The following GARRE1 variants were observed in gnomAD, a reference collection of about 807,000 sequenced individuals.
GARRE1 encodes granule associated Rac and RHOG effector 1.
In GARRE1, 49 loss-of-function variants were observed where a neutral mutation model predicts 103.2. The ratio of observed to expected loss-of-function variants is 0.47; its 90% CI spans 0.38 to 0.60. GARRE1 has a LOEUF of 0.60. Among genes scored for constraint, GARRE1 ranks in the 20% least tolerant of loss-of-function variants. The pLI, the probability that GARRE1 is intolerant of heterozygous loss-of-function variation, is 0.00. For synonymous variants in GARRE1, 505 were observed against 532.8 expected (o/e 0.95, Z 0.72); for missense variants, 1,199 against 1,370.5 (o/e 0.87, Z 1.98).
intron 6 of GARRE1, 126 bp downstream of exon 6, chr19:34,328,277 T>TGTAA: frequency 9.6e-7 from 1 of 1,045,042 alleles, no homozygotes; most frequent in Non-Finnish European, 1.4e-6. Context: ...GGCTCACGCC[T>TGTAA]GTAATCCTAG....
intron 3 of GARRE1, among the ~76,000 whole-genome samples, chr19:34,321,223 A>ATT (rs71165648): frequency 0.02 from 1,541 of 77,326 alleles, 72 homozygotes; most frequent in African/African-American, 0.028. Flanking sequence ...AGCCCGGCTA[A>ATT]TTTTTTTTTT....
At chr19:34,271,081 CTT>C (rs2073784251) in intron 1 of GARRE1, among the ~76,000 whole-genome samples, 2 of 152,102 alleles carry the variant, frequency 1.3e-5, no homozygotes, top group South Asian at 4.2e-4. Flanking sequence ...TAATTACTAA[CTT>C]ATAAAATGGA....
At chr19:34,294,771 C>T (rs550785242) in intron 1 of GARRE1, among the ~76,000 whole-genome samples, 1 of 152,064 alleles carries the variant, frequency 6.6e-6, no homozygotes, top group South Asian at 2.1e-4. Context: ...GTGGTGTGAT[C>T]CAAGCAATTC....
chr19:34,296,373 T>C, intron 1 of GARRE1: 1 of 1,386,052 alleles, frequency 7.2e-7, no homozygotes, highest in Non-Finnish European at 1.0e-6. Context: ...ATCCTTGGCC[T>C]TGGCCTTTAG....
At chr19:34,269,893 T>C (rs369074108) in intron 1 of GARRE1, among the ~76,000 whole-genome samples, 3 of 152,358 alleles carry the variant, frequency 2.0e-5, no homozygotes, top group East Asian at 3.9e-4. Context: ...TTCTGTAGAA[T>C]AGGCTAGTGT....
At chr19:34,273,045 A>C (rs1339406504) in intron 1 of GARRE1, among the ~76,000 whole-genome samples, 1 of 152,140 alleles carries the variant, frequency 6.6e-6, no homozygotes, top group Admixed American at 6.5e-5. Flanking sequence ...TCGACTAAAA[A>C]CACAAAAATT....
At chr19:34,270,126 A>T (rs1372220786) in intron 1 of GARRE1, among the ~76,000 whole-genome samples, 1 of 152,052 alleles carries the variant, frequency 6.6e-6, no homozygotes, top group African/African-American at 2.4e-5. Context: ...TTCCTCCCCC[A>T]CTTCCTATTT....
In GARRE1 at chr19:34,341,584, C is replaced by T. The variant is rs766431413; in HGVS notation, c.1650C>T (p.Thr550=). ...GGTTCACCAAGAAAGCTTCATGTAC[C>T]AGCTCCAGCAGCAGCACAAATTATT... ...TSRFTKKASC[T]SSSSSTNYSI... Residue 550 remains threonine, a synonymous_variant, in exon 10 of 14, where the codon ACC becomes ACT. Coordinates refer to ENST00000299505, the MANE Select transcript of GARRE1 (RefSeq NM_014686.5). 3.1e-6 allele frequency: 5 copies of T among 1,614,064 alleles called. No homozygotes were observed. In the East Asian group the frequency reaches 1.1e-4, roughly 36 times the overall value.
At chr19:34,311,640 C>T (rs1216510717) in intron 2 of GARRE1, among the ~76,000 whole-genome samples, 1 of 152,098 alleles carries the variant, frequency 6.6e-6, no homozygotes, top group Non-Finnish European at 1.5e-5. Context: ...GATGTAGTTT[C>T]GCTCTTGTTG....
chr19:34,270,140 C>T (rs1424454520), intron 1 of GARRE1, among the ~76,000 whole-genome samples: 1 of 152,260 alleles, frequency 6.6e-6, no homozygotes, highest in African/African-American at 2.4e-5. Flanking sequence ...CCTATTTTTA[C>T]CGCAGTTGCA....
At chr19:34,345,189 G>A (rs1355013078) in intron 10 of GARRE1, among the ~76,000 whole-genome samples, 1 of 152,064 alleles carries the variant, frequency 6.6e-6, no homozygotes, top group Non-Finnish European at 1.5e-5. Flanking sequence ...CTGACCTCAG[G>A]TGATCCACCC....
intron 1 of GARRE1, among the ~76,000 whole-genome samples, chr19:34,291,856 A>G (rs1343959823): frequency 1.3e-5 from 2 of 149,548 alleles, no homozygotes; most frequent in Non-Finnish European, 3.0e-5. Context: ...CATTCCATAA[A>G]TCTACTTTTT....
At chr19:34,282,395 C>G (rs996524302) in intron 1 of GARRE1, among the ~76,000 whole-genome samples, 28 of 152,224 alleles carry the variant, frequency 1.8e-4, no homozygotes, top group Admixed American at 1.8e-3. Context: ...TGTGATCTGC[C>G]TGCCTTGGCC....
At chr19:34,267,591 A>G (rs946098055) in intron 1 of GARRE1, among the ~76,000 whole-genome samples, 1 of 152,164 alleles carries the variant, frequency 6.6e-6, no homozygotes, top group Non-Finnish European at 1.5e-5. Flanking sequence ...AATGGACACA[A>G]TTAGTTTTCA....
rs541461169 is a variant in GARRE1, at chr19:34,285,821, C to G, written c.-795-13858C>G. On this transcript the variant is annotated intron_variant, in intron 1 of 13. Coordinates refer to ENST00000299505, the MANE Select transcript of GARRE1 (RefSeq NM_014686.5). ...AGTTCCATGACATTTTAAAAAAATT[C>G]AACACTATCTAGTTTTGATTACAAC... Among the ~76,000 whole-genome samples the G allele has an allele frequency of 2.0e-5, 3 of 151,410 alleles. No homozygotes were observed. In the East Asian group the frequency reaches 6.0e-4, roughly 30 times the overall value.
chr19:34,340,077 T>A (rs2074179014), intron 9 of GARRE1, 85 bp downstream of exon 9: 1 of 1,416,410 alleles, frequency 7.1e-7, no homozygotes, highest in African/African-American at 1.4e-5. Context: ...TCATTGATAG[T>A]ATACGGTATT....
intron 1 of GARRE1, among the ~76,000 whole-genome samples, chr19:34,261,089 C>T (rs1457739224): frequency 6.6e-6 from 1 of 152,188 alleles, no homozygotes; most frequent in African/African-American, 2.4e-5. Flanking sequence ...GCAAGGGTCT[C>T]TCCCTTGCTT....
chr19:34,348,164 A>G (rs1338594886), intron 11 of GARRE1, 122 bp downstream of exon 11: 1 of 842,786 alleles, frequency 1.2e-6, no homozygotes, highest in Non-Finnish European at 1.6e-6. Context: ...CCAAGCCCCC[A>G]TGTGAGAGAG....
At chr19:34,275,161 T>C (rs983911478) in intron 1 of GARRE1, among the ~76,000 whole-genome samples, 2 of 110,820 alleles carry the variant, frequency 1.8e-5, no homozygotes, top group East Asian at 3.9e-4. Context: ...GACAGAACAT[T>C]TTCTGTGTTT....
Sources: allele counts gnomAD v4.1 joint callset (sites outside exome capture counted in the v4.1 genomes callset), GRCh38; gene constraint gnomAD v4.1.1; transcripts MANE v1.5; gene names NCBI Gene and HGNC (gene_info 2026-07-23, HGNC 2026-07-21).